PPRC1: variants seen among roughly 807,000 people sequenced by gnomAD.
The protein encoded by PPRC1 is PPARG related coactivator 1.
A neutral mutation model predicts 132.5 loss-of-function variants in PPRC1; 23 were observed. The ratio of observed to expected loss-of-function variants is 0.17; its 90% CI spans 0.12 to 0.25. The LOEUF is 0.25. Among genes scored for constraint, PPRC1 ranks in the 10% least tolerant of loss-of-function variants. PPRC1 has a pLI of 1.00. For synonymous variants in PPRC1, 872 were observed against 833.5 expected, an observed-to-expected ratio of 1.05 and a Z score of -0.80; for missense variants, 2,006 against 2,089.1, an observed-to-expected ratio of 0.96 and a Z score of 0.78.
At chr10:102,147,928 T>G (rs192557358) in intron 9 of PPRC1, among the ~76,000 whole-genome samples, 1 of 152,264 alleles carries the variant, frequency 6.6e-6, no homozygotes, top group Non-Finnish European at 1.5e-5. Context: ...TGGCCCATAC[T>G]ACAAGTCTAG....
rs1280146303 is a variant in PPRC1, at chr10:102,139,279, C to T, written c.771C>T (p.Gly257=). The T allele has an allele frequency of 6.2e-7, 1 of 1,614,060 alleles. No individual in the cohort carries two copies. The highest frequency in any genetic ancestry group is 2.2e-5 in the East Asian group (1 of 44,902). Residue 257 remains glycine, a synonymous_variant, in exon 5 of 14, where the codon GGC becomes GGT. Coordinates refer to ENST00000278070, the MANE Select transcript of PPRC1 (RefSeq NM_015062.5). ...AGGAGGAGGTGGCCAGCTTCAGTGG[C>T]CAGATTCTTGCCGGGGAGCTTGACA... ...EEEEEVASFS[G]QILAGELDNC... is the part of the protein sequence containing the mutation.
chr10:102,133,541 C>T (rs1269545379), intron 1 of PPRC1, among the ~76,000 whole-genome samples: 1 of 152,160 alleles, frequency 6.6e-6, no homozygotes, highest in Non-Finnish European at 1.5e-5. Context: ...GCTCCCCGAG[C>T]CCGGCGCCGC....
At chr10:102,133,031 C>G (rs2068575919), upstream of PPRC1, 1 of 1,238,540 alleles carries the variant, frequency 8.1e-7, no homozygotes, top group Non-Finnish European at 1.0e-6. Context: ...CGAGGCGGCG[C>G]CAGCGATCAG....
chr10:102,121,318 C>G, the PPRC1 span, among the ~76,000 whole-genome samples: 1 of 152,198 alleles, frequency 6.6e-6, no homozygotes, highest in East Asian at 1.9e-4. Context: ...CTCCGACCCC[C>G]CTGCCTGGAA....
At position 102,145,004 on chromosome 10, in the gene PPRC1, T is replaced by C; in HGVS notation, c.3609-16T>C. The stretch of plus-strand genomic sequence containing the variant: ...GAAGGCAATGAATCAGGCTTTCCCT[T>C]TTCCCCCCCCGCCAGCGGCGTTGAC... On this transcript the variant is annotated splice_polypyrimidine_tract_variant and intron_variant, in intron 7 of 13. Coordinates refer to ENST00000278070, the MANE Select transcript of PPRC1 (RefSeq NM_015062.5). 1 of 1,463,752 alleles carries C rather than the reference T, an allele frequency of 6.8e-7. No individual in the cohort carries two copies. Among genetic ancestry groups the C allele is most frequent in the East Asian group, 2.3e-5 (1 of 42,890 alleles). The allele number at this position is 1,463,752 out of a possible 1,614,324, so 90.7% of individuals were successfully genotyped here. A position where few individuals can be genotyped will look rare whatever the true frequency, so the allele number is the denominator to read the frequency against.
the PPRC1 span, among the ~76,000 whole-genome samples, chr10:102,121,480 G>C: frequency 6.6e-6 from 1 of 152,048 alleles, no homozygotes; most frequent in Non-Finnish European, 1.5e-5. Context: ...CCCCTGGGAG[G>C]AGCCTCCCAA....
At chr10:102,123,556 C>G in the PPRC1 span, among the ~76,000 whole-genome samples, 4 of 152,070 alleles carry the variant, frequency 2.6e-5, no homozygotes, top group African/African-American at 9.7e-5. Flanking sequence ...TAGACGGAGT[C>G]TTGCGCTGTC....
intron 8 of PPRC1, 126 bp downstream of exon 8, chr10:102,145,216 C>A: frequency 1.1e-6 from 1 of 898,188 alleles, no homozygotes; most frequent in South Asian, 1.8e-5. Context: ...TTGAGATACT[C>A]ACAGTCTAGG....
chr10:102,140,184 C>G lies in PPRC1; in HGVS notation c.1676C>G (p.Pro559Arg). 1 of 1,614,196 alleles carries G rather than the reference C, an allele frequency of 6.2e-7. No individual in the cohort carries two copies. The highest frequency in any genetic ancestry group is 8.5e-7 in the Non-Finnish European group (1 of 1,180,036). Reference sequence around the variant, plus strand: ...AAAGAAGGCCCTCTAGACCTCTACCCAAAGCTGGCTGACACTATCCAAACC... The same window carrying G: ...AAAGAAGGCCCTCTAGACCTCTACCGAAAGCTGGCTGACACTATCCAAACC... ...PAKEGPLDLY[P>R]KLADTIQTNP... Residue 559 changes from proline (P) to arginine (R), a missense_variant, in exon 5 of 14, where the codon CCA becomes CGA. Pro to Arg is a moderately radical substitution (Grantham distance 103). This residue lies in a region of PPRC1 where 1,914 missense variants were observed against 1,917.2 expected (regional missense o/e 1.00). Transcript: ENST00000278070.
chr10:102,123,139 A>C, the PPRC1 span, among the ~76,000 whole-genome samples: 1 of 152,314 alleles, frequency 6.6e-6, no homozygotes, highest in East Asian at 1.9e-4. Context: ...ATGGGTGGTT[A>C]AAATAAGTGA....
chr10:102,142,820 A>T, intron 5 of PPRC1: 1 of 395,498 alleles, frequency 2.5e-6, no homozygotes, highest in Non-Finnish European at 4.6e-6. Context: ...GCTGGGATTT[A>T]TAGGCACAGG....
At chr10:102,149,145 A>T in intron 12 of PPRC1, 33 bp from the exon 13 acceptor site, 1 of 1,550,132 alleles carries the variant, frequency 6.5e-7, no homozygotes, top group Non-Finnish European at 8.7e-7. Flanking sequence ...CCATATAGCC[A>T]CTCCAGCCCC....
the PPRC1 span, among the ~76,000 whole-genome samples, chr10:102,123,047 T>C: frequency 6.6e-6 from 1 of 152,166 alleles, no homozygotes; most frequent in East Asian, 1.9e-4. Context: ...AGCTTCACCT[T>C]CTCTGGGAAG....
Position 102,141,896 on chromosome 10 carries a change from C to T in PPRC1, c.3388C>T (p.Pro1130Ser), listed in dbSNP as rs1439785492. Residue 1130 changes from proline to serine, a missense_variant, in exon 5 of 14, where the codon CCC becomes TCC. Coordinates refer to ENST00000278070, the MANE Select transcript of PPRC1 (RefSeq NM_015062.5). ...TCCCACACCAAGGCAGAGCACTGTC[C>T]CCAAGCTGCCTGCTGTCCACCCAGC... ...AVPTPRQSTV[P>S]KLPAVHPARL... The T allele has an allele frequency of 3.1e-6, 5 of 1,614,020 alleles. No individual in the cohort carries two copies. Among genetic ancestry groups the T allele is most frequent in the Non-Finnish European group, 4.2e-6 (5 of 1,180,040 alleles).
In PPRC1 at chr10:102,141,696, C is replaced by T. The variant is rs1402061598; in HGVS notation, c.3188C>T (p.Ser1063Phe). 2.5e-5 allele frequency: 41 copies of T among 1,613,952 alleles called. No homozygotes were observed. Among genetic ancestry groups the T allele is most frequent in the Non-Finnish European group, 3.4e-5 (40 of 1,179,946 alleles). The part of the protein sequence containing the change: ...TKVEVKPVPA[S>F]PHPKHKVSAL... ...GTGGAGGTCAAGCCAGTGCCTGCAT[C>T]TCCCCATCCGAAACACAAGGTGTCT... is the stretch of plus-strand genomic sequence containing the variant. Residue 1063 changes from serine (S) to phenylalanine (F), a missense_variant, in exon 5 of 14, where the codon TCT becomes TTT. By Grantham distance (155) the Ser-to-Phe change is radical (BLOSUM62 -2). This residue lies in a region of PPRC1 where 1,914 missense variants were observed against 1,917.2 expected (regional missense o/e 1.00). Transcript: ENST00000278070.
intron 1 of PPRC1, among the ~76,000 whole-genome samples, chr10:102,133,680 C>T (rs756106274): frequency 3.3e-5 from 5 of 151,636 alleles, no homozygotes; most frequent in African/African-American, 1.2e-4. Context: ...GGGGCGCAGG[C>T]AGCGGGTCCA....
In PPRC1 at chr10:102,140,767, A is replaced by C; in HGVS notation, c.2259A>C (p.Leu753Phe). The C allele has an allele frequency of 1.9e-6, 3 of 1,613,898 alleles. No homozygotes were observed. The highest frequency in any genetic ancestry group is 2.5e-6 in the Non-Finnish European group (3 of 1,180,008). Residue 753 changes from leucine (L) to phenylalanine (F), a missense_variant, in exon 5 of 14, where the codon TTA (leucine) becomes TTC (phenylalanine). Around this residue, in one of 2 missense-constraint regions of PPRC1, gnomAD observed 1,914 missense variants for 1,917.2 expected, o/e 1.00. Transcript: ENST00000278070. Reference protein sequence around the residue: ...THEARPRPLSLSEYRRRRQQR... With the variant: ...THEARPRPLSFSEYRRRRQQR... Reference sequence around the variant, plus strand: ...AAGCCAGACCTCGGCCTCTCAGCTTATCTGAGTACCGGCGACGAAGGCAGC... The same window carrying C: ...AAGCCAGACCTCGGCCTCTCAGCTTCTCTGAGTACCGGCGACGAAGGCAGC...
chr10:102,137,600 C>A (rs1173330862), intron 1 of PPRC1, among the ~76,000 whole-genome samples: 3 of 152,112 alleles, frequency 2.0e-5, no homozygotes, highest in Admixed American at 6.6e-5. Flanking sequence ...GGGTTTTAAT[C>A]TGTGACTCTA....
intron 6 of PPRC1, 58 bp downstream of exon 6, chr10:102,143,156 C>T (rs752827168): frequency 4.6e-6 from 7 of 1,528,076 alleles, no homozygotes; most frequent in Non-Finnish European, 6.3e-6. Flanking sequence ...TTTTTTGGGC[C>T]CAGCCCTGTA....
Sources: allele counts gnomAD v4.1 joint callset (sites outside exome capture counted in the v4.1 genomes callset), GRCh38; gene constraint gnomAD v4.1.1; regional missense constraint gnomAD v4.1.1; transcripts MANE v1.5; gene names NCBI Gene and HGNC (gene_info 2026-07-23, HGNC 2026-07-21).